Variants in PHF20L1 observed in about 807,000 individuals in gnomAD.
PHF20L1 encodes PHD finger protein 20 like 1, also known as PHD finger protein 20-like protein 1.
A neutral mutation model predicts 125.5 loss-of-function variants in PHF20L1; 44 were observed. The observed-to-expected ratio is 0.35, with a 90% confidence interval of 0.28 to 0.45. The LOEUF (loss-of-function observed/expected upper bound fraction) is 0.45, where lower values mean the gene tolerates loss of function less well. Ranked by LOEUF, PHF20L1 falls within the 20% of genes least tolerant of loss-of-function variation. The pLI is 1.00. For synonymous variants in PHF20L1, 380 were observed against 403.1 expected, an observed-to-expected ratio of 0.94 and a Z score of 0.69; for missense variants, 1,012 against 1,217.2, an observed-to-expected ratio of 0.83 and a Z score of 2.51.
In PHF20L1 at chr8:132,803,673, A is replaced by G. The variant is rs551383341; in HGVS notation, c.508-146A>G. The stretch of plus-strand genomic sequence containing the variant: ...ATTTGATAACCTACCATGTTCAGCT[A>G]TCATGTAAATATTGTTATCTCTATA... On this transcript the variant is annotated intron_variant, in intron 6 of 20. Transcript: ENST00000395386. The G allele has an allele frequency of 3.4e-5, 20 of 582,606 alleles. No individual in the cohort carries two copies. In the South Asian group the frequency reaches 3.7e-4, roughly 11 times the overall value. The allele number at this position is 582,606 out of a possible 1,614,324, so 36.1% of individuals were successfully genotyped here. A position where few individuals can be genotyped will look rare whatever the true frequency, so the allele number is the denominator to read the frequency against.
rs764169227 is a variant in PHF20L1, at chr8:132,814,779, A to C, written c.1073A>C (p.Asp358Ala). Reference sequence around the variant, plus strand: ...AAGAAATGCAAACATGAATCTGGAGATTCTTCTGGGTGTATAAAACCCCCT... The same window carrying C: ...AAGAAATGCAAACATGAATCTGGAGCTTCTTCTGGGTGTATAAAACCCCCT... ...RSKKCKHESG[D>A]SSGCIKPPKS... is the part of the protein sequence containing the mutation. Residue 358 changes from aspartate (D) to alanine (A), a missense_variant, in exon 10 of 21, where the codon GAT becomes GCT. Around this residue, in one of 7 missense-constraint regions of PHF20L1, gnomAD observed 119 missense variants for 160.2 expected, o/e 0.74. Coordinates refer to ENST00000395386, the MANE Select transcript of PHF20L1 (RefSeq NM_016018.5). 4 of 1,612,984 alleles carry C rather than the reference A, an allele frequency of 2.5e-6. No individual in the cohort carries two copies. The highest frequency in any genetic ancestry group is 3.4e-6 in the Non-Finnish European group (4 of 1,179,254).
chr8:132,842,438 A>C, intron 18 of PHF20L1, 77 bp from the exon 19 acceptor site: 1 of 1,351,892 alleles, frequency 7.4e-7, no homozygotes, highest in Non-Finnish European at 1.0e-6. Context: ...CCTAATTCTG[A>C]AATAGATCAT....
chr8:132,842,542 CTG>C lies in PHF20L1; in HGVS notation c.2416_2417del (p.Trp806GlyfsTer26). 6.2e-7 allele frequency: 1 copy of C among 1,608,532 alleles called. No homozygotes were observed. Among genetic ancestry groups the C allele is most frequent in the Non-Finnish European group, 8.5e-7 (1 of 1,178,270 alleles). ...KNKHHPDLHLWACSGKRKDQD... is the reference protein window; with the variant it reads ...KNKHHPDLHLXACSGKRKDQD... The stretch of plus-strand genomic sequence containing the variant: ...ATAAACATCATCCTGACCTTCATCT[CTG>C]GGCTTGTTCCGGGAAGCGAAAAGAC... On this transcript the variant is annotated frameshift_variant, in exon 19 of 21. Transcript: ENST00000395386. LOFTEE classifies it high-confidence loss of function.
intron 2 of PHF20L1, among the ~76,000 whole-genome samples, chr8:132,790,097 C>G (rs1190581750): frequency 2.0e-5 from 3 of 152,140 alleles, no homozygotes; most frequent in African/African-American, 4.8e-5. Flanking sequence ...ATGATTCAAC[C>G]TTTAAAAAAT....
rs1225192981 is a variant in PHF20L1, at chr8:132,846,055, G to A, written c.*132G>A. ...ATTCACTGATTTGTGATGTCAATAG[G>A]ATGGCACCTTGGAAAGAAAAATGAA... On this transcript the variant is annotated 3_prime_UTR_variant, in exon 21 of 21. Coordinates refer to ENST00000395386, the MANE Select transcript of PHF20L1 (RefSeq NM_016018.5). The A allele has an allele frequency of 1.5e-6, 1 of 647,704 alleles. No homozygotes were observed. The highest frequency in any genetic ancestry group is 1.8e-5 in the African/African-American group (1 of 54,808). The allele number at this position is 647,704 out of a possible 1,614,324, so 40.1% of individuals were successfully genotyped here.
At chr8:132,777,241 C>T (rs1180755856) in intron 1 of PHF20L1, among the ~76,000 whole-genome samples, 1 of 152,140 alleles carries the variant, frequency 6.6e-6, no homozygotes, top group Non-Finnish European at 1.5e-5. Flanking sequence ...ATCCTAATCC[C>T]AAGAGGAATT....
At chr8:132,832,195 G>T in intron 14 of PHF20L1, 40 bp from the exon 15 acceptor site, 1 of 1,265,106 alleles carries the variant, frequency 7.9e-7, no homozygotes, top group Non-Finnish European at 1.1e-6. Flanking sequence ...TTAATTATCT[G>T]ACACTTTATT....
At chr8:132,838,676 G>T (rs966654983) in intron 17 of PHF20L1, 1 of 152,120 alleles carries the variant, frequency 6.6e-6, no homozygotes, top group African/African-American at 2.4e-5. Context: ...AGAAGCAAGA[G>T]AATTAATTAT....
chr8:132,780,462 G>A lies in PHF20L1; in HGVS notation c.83+2551G>A, dbSNP rs963087871. On this transcript the variant is annotated intron_variant, in intron 2 of 20. Coordinates refer to ENST00000395386, the MANE Select transcript of PHF20L1 (RefSeq NM_016018.5). ...TGACAAGAAACTGACATTCTTGTGA[G>A]AAGCAAAATATTATAGTTAATCATT... Among the ~76,000 whole-genome samples the A allele has an allele frequency of 5.3e-5, 8 of 152,214 alleles. No homozygotes were observed. The South Asian group carries it at 1.7e-3, about 32-fold the overall frequency.
chr8:132,840,516 G>A (rs899597085), intron 18 of PHF20L1, among the ~76,000 whole-genome samples: 1 of 151,996 alleles, frequency 6.6e-6, no homozygotes, highest in Non-Finnish European at 1.5e-5. Context: ...CCAACTTAAT[G>A]TACTAGAGCA....
At chr8:132,803,528 A>G in intron 6 of PHF20L1, 1 of 323,728 alleles carries the variant, frequency 3.1e-6, no homozygotes. Context: ...CATATCTGCC[A>G]TAGGTTTCCT....
intron 14 of PHF20L1, among the ~76,000 whole-genome samples, chr8:132,827,479 T>A (rs1013829140): frequency 2.0e-5 from 3 of 152,078 alleles, no homozygotes; most frequent in African/African-American, 7.2e-5. Context: ...AACTGTGTTC[T>A]GTTCTGATAT....
At chr8:132,832,970 A>G (rs1243569378) in intron 15 of PHF20L1, among the ~76,000 whole-genome samples, 1 of 152,112 alleles carries the variant, frequency 6.6e-6, no homozygotes, top group South Asian at 2.1e-4. Context: ...TGAAGGGAGC[A>G]CTGGAGTTCA....
chr8:132,829,686 T>C (rs768477911), intron 14 of PHF20L1, among the ~76,000 whole-genome samples: 1 of 152,082 alleles, frequency 6.6e-6, no homozygotes, highest in Non-Finnish European at 1.5e-5. Context: ...GTGCACCCTT[T>C]AAATGTTGAA....
At chr8:132,815,966 G>A (rs986481541) in intron 10 of PHF20L1, 1 of 151,620 alleles carries the variant, frequency 6.6e-6, no homozygotes, top group East Asian at 1.9e-4. Context: ...CAATATTATA[G>A]CAATTAAATT....
chr8:132,830,023 A>G (rs1836591160), intron 14 of PHF20L1, among the ~76,000 whole-genome samples: 2 of 152,062 alleles, frequency 1.3e-5, no homozygotes, highest in Admixed American at 1.3e-4. Context: ...TTAAAAAAAT[A>G]TGTATTTATT....
chr8:132,818,139 A>T (rs545808266), intron 12 of PHF20L1: 2 of 152,128 alleles, frequency 1.3e-5, no homozygotes, highest in South Asian at 2.1e-4. Context: ...TACCAAGCTG[A>T]TATTTTAAAT....
chr8:132,809,198 A>T (rs1834078992), intron 8 of PHF20L1: 1 of 152,052 alleles, frequency 6.6e-6, no homozygotes, highest in South Asian at 2.1e-4. Flanking sequence ...ATGGAATCTC[A>T]CTCTGTTCCC....
At position 132,832,394 on chromosome 8, in the gene PHF20L1, G is replaced by A; in HGVS notation, c.1904G>A (p.Gly635Asp). Residue 635 changes from glycine to aspartate, a missense_variant, in exon 15 of 21, where the codon GGT (glycine) becomes GAT (aspartate). Physicochemically the swap from Gly to Asp is moderately conservative, Grantham distance 94 (BLOSUM62 -1). Coordinates refer to ENST00000395386, the MANE Select transcript of PHF20L1 (RefSeq NM_016018.5). ...GCAATTCTATCCGTTGATCTTAGTGGTGAAAGTATGTGTAACCATGTGATG... is the reference window on the plus strand; with the variant it reads ...GCAATTCTATCCGTTGATCTTAGTGATGAAAGTATGTGTAACCATGTGATG... ...PRAILSVDLS[G>D]ENLSDVDFLD... 5 of 1,607,592 alleles carry A rather than the reference G, an allele frequency of 3.1e-6. No individual in the cohort carries two copies. The highest frequency in any genetic ancestry group is 1.1e-5 in the South Asian group (1 of 90,854).
Sources: allele counts gnomAD v4.1 joint callset (sites outside exome capture counted in the v4.1 genomes callset), GRCh38; gene constraint gnomAD v4.1.1; regional missense constraint gnomAD v4.1.1; transcripts MANE v1.5; gene names NCBI Gene and HGNC (gene_info 2026-07-23, HGNC 2026-07-21).